Variants in TRIM33 observed in about 807,000 individuals in gnomAD.
TRIM33 encodes the protein E3 ubiquitin-protein ligase TRIM33.
Under a neutral mutation model 125.4 loss-of-function variants are expected in TRIM33, and 20 were observed. The ratio of observed to expected loss-of-function variants is 0.16; its 90% CI spans 0.11 to 0.23. The LOEUF is 0.23. TRIM33 is among the 10% of genes least tolerant of loss of function. TRIM33 has a pLI of 1.00. For missense variants in TRIM33, 920 were observed against 1,411.4 expected, an observed-to-expected ratio of 0.65 and a Z score of 5.58; for synonymous variants, 564 against 513.9, an observed-to-expected ratio of 1.10 and a Z score of -1.32.
At chr1:114,493,157 A>C (rs1299428934) in intron 1 of TRIM33, among the ~76,000 whole-genome samples, 2 of 152,152 alleles carry the variant, frequency 1.3e-5, no homozygotes, top group Non-Finnish European at 2.9e-5. Flanking sequence ...CAAACGATCT[A>C]GTGTATCATT....
chr1:114,393,212 A>ATG lies in TRIM33; in HGVS notation c.*4434_*4435dup, dbSNP rs1244195072. ...GAATTTAACCCTTTCGTGTGTAGGT[A>ATG]TGTCTACATAAAAAATTAACAGGCT... On this transcript the variant is annotated 3_prime_UTR_variant, in exon 20 of 20. Transcript: ENST00000358465. 3 of 212,562 alleles carry ATG rather than the reference A, an allele frequency of 1.4e-5. No individual in the cohort carries two copies. The highest frequency in any genetic ancestry group is 6.8e-5 in the African/African-American group (3 of 44,228). 13.2% of individuals were successfully genotyped at this position (212,562 alleles called of 1,614,324 possible).
chr1:114,496,327 C>T (rs963755426), intron 1 of TRIM33, among the ~76,000 whole-genome samples: 2 of 152,236 alleles, frequency 1.3e-5, no homozygotes, highest in Admixed American at 6.5e-5. Flanking sequence ...ACAGGCCAGA[C>T]TGGTCCAAAA....
At chr1:114,410,412 A>G in intron 11 of TRIM33, 96 bp from the exon 12 acceptor site, 4 of 1,222,336 alleles carry the variant, frequency 3.3e-6, no homozygotes, top group South Asian at 1.5e-5. Flanking sequence ...TTAATAAACT[A>G]ACAGATTATC....
chr1:114,404,454 C>T (rs2101092750), intron 15 of TRIM33: 1 of 152,190 alleles, frequency 6.6e-6, no homozygotes, highest in Non-Finnish European at 1.5e-5. Context: ...CTAATTTACG[C>T]CAACATTTTA....
chr1:114,403,020 T>C (rs1652004660), intron 15 of TRIM33, 137 bp from the exon 16 acceptor site: 2 of 842,802 alleles, frequency 2.4e-6, no homozygotes, highest in Non-Finnish European at 3.5e-6. Context: ...TTGTGAAATC[T>C]CGTCAGGTGA....
At chr1:114,486,858 A>AG (rs1391936905) in intron 1 of TRIM33, among the ~76,000 whole-genome samples, 1 of 152,046 alleles carries the variant, frequency 6.6e-6, no homozygotes, top group Middle Eastern at 3.4e-3. Flanking sequence ...AGGCCAAGGC[A>AG]GGTGGATCAC....
intron 14 of TRIM33, among the ~76,000 whole-genome samples, chr1:114,406,002 A>G (rs1001517049): frequency 2.6e-5 from 4 of 152,240 alleles, no homozygotes; most frequent in Admixed American, 1.3e-4. Context: ...TAAATTAATT[A>G]AACTGTTAAG....
chr1:114,427,058 A>C (rs1273576573), intron 8 of TRIM33, 119 bp downstream of exon 8: 1 of 525,818 alleles, frequency 1.9e-6, no homozygotes, highest in African/African-American at 2.0e-5. Context: ...ACATATTTTT[A>C]CATAAAATGT....
At chr1:114,425,401 T>C (rs1647498542) in intron 9 of TRIM33, 48 bp downstream of exon 9, 3 of 1,595,650 alleles carry the variant, frequency 1.9e-6, no homozygotes, top group Non-Finnish European at 2.6e-6. Flanking sequence ...AAGTGTAGTG[T>C]TGAGGGCTTC....
At chr1:114,484,137 C>T (rs976377745) in intron 1 of TRIM33, among the ~76,000 whole-genome samples, 1 of 152,024 alleles carries the variant, frequency 6.6e-6, no homozygotes, top group African/African-American at 2.4e-5. Context: ...TAATGGTCTG[C>T]CAGACAAAAT....
intron 4 of TRIM33, among the ~76,000 whole-genome samples, chr1:114,450,325 GTTGTT>G (rs200362890): frequency 0.015 from 2,313 of 152,130 alleles, 48 homozygotes; most frequent in African/African-American, 0.047. Context: ...TAACAATCCT[GTTGTT>G]TTGTTTTGTT....
chr1:114,498,711 G>GTAA (rs1168289975), intron 1 of TRIM33, among the ~76,000 whole-genome samples: 65 of 152,254 alleles, frequency 4.3e-4, no homozygotes, highest in African/African-American at 1.5e-3. Context: ...CTTTCAGAAT[G>GTAA]TCAGTGGAGC....
At chr1:114,479,481 A>G (rs1366495798) in intron 1 of TRIM33, among the ~76,000 whole-genome samples, 1 of 152,234 alleles carries the variant, frequency 6.6e-6, no homozygotes, top group Non-Finnish European at 1.5e-5. Flanking sequence ...ACATATTCAA[A>G]CTACAAATTA....
At chr1:114,476,019 A>T (rs1031332429) in intron 1 of TRIM33, among the ~76,000 whole-genome samples, 7 of 152,110 alleles carry the variant, frequency 4.6e-5, no homozygotes, top group Non-Finnish European at 1.0e-4. Flanking sequence ...ATACGGAAAA[A>T]TTATTAAAAT....
chr1:114,495,247 G>C (rs1652304781), intron 1 of TRIM33, among the ~76,000 whole-genome samples: 1 of 152,038 alleles, frequency 6.6e-6, no homozygotes, highest in Non-Finnish European at 1.5e-5. Flanking sequence ...AAGAAGGCTA[G>C]GCAAGTTTCA....
At chr1:114,431,814 C>G (rs1363627696) in intron 5 of TRIM33, among the ~76,000 whole-genome samples, 1 of 152,002 alleles carries the variant, frequency 6.6e-6, no homozygotes, top group Non-Finnish European at 1.5e-5. Context: ...GAGTTTTGTC[C>G]TTATCTTACT....
intron 11 of TRIM33, among the ~76,000 whole-genome samples, chr1:114,415,701 A>T (rs186129166): frequency 6.6e-6 from 1 of 152,284 alleles, no homozygotes; most frequent in Admixed American, 6.5e-5. Context: ...CTGTAATCCC[A>T]GCACTTTGGG....
intron 11 of TRIM33, among the ~76,000 whole-genome samples, chr1:114,412,234 G>A (rs1363749826): frequency 3.3e-5 from 5 of 152,152 alleles, no homozygotes; most frequent in Non-Finnish European, 7.3e-5. Flanking sequence ...CAATACCTAT[G>A]TGAAATTTAA....
rs185446875 is a variant in TRIM33 at position 114,470,071 on chromosome 1, G to A, written c.527-5683C>T. The stretch of plus-strand genomic sequence containing the variant: ...CATATGTGCACATACAATCATATAC[G>A]AAGAACACTAATATCTTATAATAAA... On this transcript the variant is annotated intron_variant, in intron 1 of 19. Transcript: ENST00000358465. Among the ~76,000 whole-genome samples the A allele has an allele frequency of 5.5e-4, 83 of 152,222 alleles. No homozygotes were observed. The East Asian group carries it at 0.011, about 20-fold the overall frequency.
Sources: allele counts gnomAD v4.1 joint callset (sites outside exome capture counted in the v4.1 genomes callset), GRCh38; gene constraint gnomAD v4.1.1; transcripts MANE v1.5; gene names NCBI Gene and HGNC (gene_info 2026-07-23, HGNC 2026-07-21).